EMILIN1: variants seen among roughly 807,000 people sequenced by gnomAD.
The protein encoded by EMILIN1 is elastin microfibril interfacer 1.
A neutral mutation model predicts 82.4 loss-of-function variants in EMILIN1; 49 were observed. That is an observed-to-expected ratio of 0.59 (90% confidence interval 0.47 to 0.75). EMILIN1 has a LOEUF of 0.75. Ranked by LOEUF, EMILIN1 falls within the 30% of genes least tolerant of loss-of-function variation. The probability of loss-of-function intolerance (pLI) is 0.00; values close to 1 mark genes in which losing one functional copy is unlikely to be tolerated. For missense variants in EMILIN1, 1,313 were observed against 1,366.4 expected (o/e 0.96, Z 0.62); for synonymous variants, 604 against 602.2 (o/e 1.00, Z -0.04).
In EMILIN1 at chr2:27,083,487, C is replaced by T. The variant is rs754465328; in HGVS notation, c.1916C>T (p.Ala639Val). Residue 639 changes from alanine (A) to valine (V), a missense_variant, in exon 4 of 8, where the codon GCC becomes GTC. Coordinates refer to ENST00000380320, the MANE Select transcript of EMILIN1 (RefSeq NM_007046.4). ...GTGTTTGGGGGCAGCTCAGGCTCAGCCCTGCAGGCCCTGCAAGGAGAGCTC... is the reference window on the plus strand; with the variant it reads ...GTGTTTGGGGGCAGCTCAGGCTCAGTCCTGCAGGCCCTGCAAGGAGAGCTC... ...FSVFGGSSGS[A>V]LQALQGELSE... The T allele has an allele frequency of 6.2e-7, 1 of 1,613,500 alleles. No homozygotes were observed. Among genetic ancestry groups the T allele is most frequent in the South Asian group, 1.1e-5 (1 of 91,066 alleles).
Position 27,085,796 on chromosome 2 carries a change from C to T in EMILIN1, c.2832C>T (p.Asp944=). 1.2e-6 allele frequency: 2 copies of T among 1,612,492 alleles called. No homozygotes were observed. The highest frequency in any genetic ancestry group is 2.7e-5 in the African/African-American group (2 of 74,994). The change falls in exon 8 of 8, where the codon GAC becomes GAT. Residue 944 remains aspartate, a synonymous_variant. Coordinates refer to ENST00000380320, the MANE Select transcript of EMILIN1 (RefSeq NM_007046.4). ...CCAACCAGGGCGTGGCCCGCGTAGA[C>T]TCCGGTGGCTACGAGCCTGAGGGCC... is the stretch of plus-strand genomic sequence containing the variant. ...SRSNQGVARV[D]SGGYEPEGLE...
chr2:27,085,866 C>T lies in EMILIN1; in HGVS notation c.2902C>T (p.Leu968=). 6.3e-7 allele frequency: 1 copy of T among 1,599,242 alleles called. No homozygotes were observed. The change falls in exon 8 of 8, where the codon CTG becomes TTG. Residue 968 remains leucine, a synonymous_variant. Coordinates refer to ENST00000380320, the MANE Select transcript of EMILIN1 (RefSeq NM_007046.4). The part of the protein sequence containing the change: ...VAESQPSPGT[L]GVFSLILPLQ... ...CGAGAGCCAGCCCAGCCCGGGCACC[C>T]TGGGCGTCTTCAGCCTCATCCTGCC... is the stretch of plus-strand genomic sequence containing the variant.
rs764329764 is a variant in EMILIN1, at chr2:27,083,603, C to T, written c.2032C>T (p.Leu678=). 3.1e-6 allele frequency: 5 copies of T among 1,613,474 alleles called. No homozygotes were observed. Among genetic ancestry groups the T allele is most frequent in the Non-Finnish European group, 4.2e-6 (5 of 1,179,514 alleles). Residue 678 remains leucine (L), a synonymous_variant, in exon 4 of 8, where the codon CTG becomes TTG. Transcript: ENST00000380320. ...VEGQGADLAD[L]GATKDRIISE... The stretch of plus-strand genomic sequence containing the variant: ...GGGCCAGGGCGCTGATCTGGCTGAC[C>T]TGGGGGCAACCAAGGACCGTATCAT...
At position 27,085,704 on chromosome 2, in the gene EMILIN1, C is replaced by A; in HGVS notation, c.2740C>A (p.Arg914Ser). 6.2e-7 allele frequency: 1 copy of A among 1,602,202 alleles called. No homozygotes were observed. Among genetic ancestry groups the A allele is most frequent in the Non-Finnish European group, 8.5e-7 (1 of 1,171,118 alleles). ...CGTGTTCACAGCGCCACTGGCTGGA[C>A]GCTACTTGCTGAGCGCGGTGCTGAC... ...TGVFTAPLAG[R>S]YLLSAVLTGH... The change falls in exon 8 of 8, where the codon CGC (arginine) becomes AGC (serine). Residue 914 changes from arginine (R) to serine (S), a missense_variant. Arg to Ser is a moderately radical substitution (Grantham distance 110). Coordinates refer to ENST00000380320, the MANE Select transcript of EMILIN1 (RefSeq NM_007046.4).
chr2:27,085,410 G>C, intron 7 of EMILIN1, 113 bp downstream of exon 7: 1 of 1,341,824 alleles, frequency 7.5e-7, no homozygotes, highest in Admixed American at 1.9e-5. Flanking sequence ...CTGATTTGGG[G>C]AGACCCCGGC....
Position 27,083,333 on chromosome 2 carries a change from G to C in EMILIN1, c.1762G>C (p.Val588Leu), listed in dbSNP as rs573167279. The C allele has an allele frequency of 6.2e-7, 1 of 1,613,346 alleles. No individual in the cohort carries two copies. The highest frequency in any genetic ancestry group is 1.3e-5 in the African/African-American group (1 of 75,058). Residue 588 changes from valine (V) to leucine (L), a missense_variant, in exon 4 of 8, where the codon GTC (valine) becomes CTC (leucine). Val to Leu is a conservative substitution (Grantham distance 32). Transcript: ENST00000380320. ...TGAGGGCTGTGGGGCCTGTGGCGGA[G>C]TCCAAGAGGAACTAGGCCGCCTTCG... Reference protein sequence around the residue: ...GDEGCGACGGVQEELGRLRDG... With the variant: ...GDEGCGACGGLQEELGRLRDG...
In EMILIN1 at chr2:27,086,196, G is replaced by C. The variant is rs999819170; in HGVS notation, c.*181G>C. ...GGGGCGCGCCGGCTCAGGGAGGCTC[G>C]GGGCCGCCCATGCAGACTTTTGGCC... On this transcript the variant is annotated 3_prime_UTR_variant, in exon 8 of 8. Coordinates refer to ENST00000380320, the MANE Select transcript of EMILIN1 (RefSeq NM_007046.4). 1 of 407,300 alleles carries C rather than the reference G, an allele frequency of 2.5e-6. No individual in the cohort carries two copies. Among genetic ancestry groups the C allele is most frequent in the South Asian group, 1.2e-4 (1 of 8,006 alleles). The allele number at this position is 407,300 out of a possible 1,614,324, so 25.2% of individuals were successfully genotyped here.
rs764421233 is a variant in EMILIN1 at position 27,082,952 on chromosome 2, G to C, written c.1381G>C (p.Gly461Arg). Residue 461 changes from glycine (G) to arginine (R), a missense_variant, in exon 4 of 8, where the codon GGG becomes CGG. By Grantham distance (125) the Gly-to-Arg change is moderately radical (BLOSUM62 -2). Transcript: ENST00000380320. ...GLLANVSGEL[G>R]GRLDLLEEQV... ...GCTGGCCAATGTGAGCGGGGAGCTG[G>C]GGGGGCGGTTGGATCTGTTGGAGGA... is the stretch of plus-strand genomic sequence containing the variant. 5.7e-6 allele frequency: 9 copies of C among 1,587,820 alleles called. No homozygotes were observed. The highest frequency in any genetic ancestry group is 7.7e-6 in the Non-Finnish European group (9 of 1,167,284).
Position 27,085,809 on chromosome 2 carries a change from G to A in EMILIN1, c.2845G>A (p.Glu949Lys). 9 of 1,612,250 alleles carry A rather than the reference G, an allele frequency of 5.6e-6. No individual in the cohort carries two copies. Among genetic ancestry groups the A allele is most frequent in the South Asian group, 1.1e-5 (1 of 91,058 alleles). ...GVARVDSGGYEPEGLENKPVA... is the reference protein window; with the variant it reads ...GVARVDSGGYKPEGLENKPVA... ...GGCCCGCGTAGACTCCGGTGGCTAC[G>A]AGCCTGAGGGCCTGGAGAATAAGCC... The change falls in exon 8 of 8, where the codon GAG becomes AAG. Residue 949 changes from glutamate (E) to lysine (K), a missense_variant. Coordinates refer to ENST00000380320, the MANE Select transcript of EMILIN1 (RefSeq NM_007046.4).
In EMILIN1 at chr2:27,083,246, C is replaced by T. The variant is rs141929856; in HGVS notation, c.1675C>T (p.Arg559Trp). ...QDETAAEFTL[R>W]LNLTAARLGQ... is the part of the protein sequence containing the mutation. ...TGAGACAGCTGCAGAGTTCACACTA[C>T]GGCTGAATCTCACTGCGGCCCGGCT... Residue 559 changes from arginine to tryptophan, a missense_variant, in exon 4 of 8, where the codon CGG (arginine) becomes TGG (tryptophan). Physicochemically the swap from Arg to Trp is moderately radical, Grantham distance 101. Coordinates refer to ENST00000380320, the MANE Select transcript of EMILIN1 (RefSeq NM_007046.4). 33 of 1,612,110 alleles carry T rather than the reference C, an allele frequency of 2.0e-5. No individual in the cohort carries two copies. In the East Asian group the frequency reaches 2.2e-4, roughly 11 times the overall value.
In EMILIN1 at chr2:27,082,367, G is replaced by C. The variant is rs1296092600; in HGVS notation, c.796G>C (p.Gly266Arg). Reference sequence around the variant, plus strand: ...GCTGGGTCACCTCAACAACCATCATGGCGGCAGCAGCAGCAGTGGGGGCAG... The same window carrying C: ...GCTGGGTCACCTCAACAACCATCATCGCGGCAGCAGCAGCAGTGGGGGCAG... ...QELGHLNNHH[G>R]GSSSSGGSRA... The change falls in exon 4 of 8, where the codon GGC (glycine) becomes CGC (arginine). Residue 266 changes from glycine (G) to arginine (R), a missense_variant. Gly to Arg is a moderately radical substitution (Grantham distance 125, BLOSUM62 -2). Transcript: ENST00000380320. 6.2e-7 allele frequency: 1 copy of C among 1,611,602 alleles called. No individual in the cohort carries two copies. Among genetic ancestry groups the C allele is most frequent in the Non-Finnish European group, 8.5e-7 (1 of 1,179,624 alleles).
At chr2:27,080,580 G>A (rs2148317627) in intron 2 of EMILIN1, 152 bp from the exon 3 acceptor site, 10 of 694,358 alleles carry the variant, frequency 1.4e-5, no homozygotes, top group Non-Finnish European at 2.1e-5. Flanking sequence ...GCTGACAGCT[G>A]TCAGCTAAGC....
chr2:27,082,031 C>T (rs1669484067), intron 3 of EMILIN1, 52 bp from the exon 4 acceptor site: 3 of 1,508,732 alleles, frequency 2.0e-6, no homozygotes, highest in East Asian at 2.4e-5. Context: ...TGAGCAGGGG[C>T]CTTGAGCTCT....
rs139944533 is a variant in EMILIN1 at position 27,083,339 on chromosome 2, G to A, written c.1768G>A (p.Glu590Lys). The change falls in exon 4 of 8, where the codon GAG (glutamate) becomes AAG (lysine). Residue 590 changes from glutamate to lysine, a missense_variant. Physicochemically the swap from Glu to Lys is moderately conservative, Grantham distance 56. Transcript: ENST00000380320. ...EGCGACGGVQ[E>K]ELGRLRDGVE... is the part of the protein sequence containing the mutation. ...CTGTGGGGCCTGTGGCGGAGTCCAA[G>A]AGGAACTAGGCCGCCTTCGGGATGG... 2.0e-5 allele frequency: 33 copies of A among 1,613,206 alleles called. No homozygotes were observed. The African/African-American group carries it at 4.4e-4, about 22-fold the overall frequency.
In EMILIN1 at chr2:27,080,784, G is replaced by A. The variant is rs781472388; in HGVS notation, c.343G>A (p.Asp115Asn). The change falls in exon 3 of 8, where the codon GAC becomes AAC. Residue 115 changes from aspartate to asparagine, a missense_variant. Physicochemically the swap from Asp to Asn is conservative, Grantham distance 23. Transcript: ENST00000380320. Reference sequence around the variant, plus strand: ...CCGTGTGGCCTACAAGACAGTGACCGACATGGAGTGGAGGTGCTGTCAGGG... The same window carrying A: ...CCGTGTGGCCTACAAGACAGTGACCAACATGGAGTGGAGGTGCTGTCAGGG... ...RYRVAYKTVT[D>N]MEWRCCQGYG... The A allele has an allele frequency of 1.2e-5, 19 of 1,613,700 alleles. No homozygotes were observed. Among genetic ancestry groups the A allele is most frequent in the Middle Eastern group, 3.3e-4 (2 of 6,084 alleles).
chr2:27,086,083 T>C lies in EMILIN1; in HGVS notation c.*68T>C, dbSNP rs1669626554. 3.3e-6 allele frequency: 4 copies of C among 1,225,692 alleles called. No individual in the cohort carries two copies. The East Asian group carries it at 8.4e-5, about 26-fold the overall frequency. 75.9% of individuals were successfully genotyped at this position (1,225,692 alleles called of 1,614,324 possible). A position where few individuals can be genotyped will look rare whatever the true frequency, so the allele number is the denominator to read the frequency against. ...GCGGGGGCGGCGGGCTCCTGGGGTC[T>C]CGCCTGAGACGGGGCACCTAGCCCT... On this transcript the variant is annotated 3_prime_UTR_variant, in exon 8 of 8. Coordinates refer to ENST00000380320, the MANE Select transcript of EMILIN1 (RefSeq NM_007046.4).
At position 27,083,813 on chromosome 2, in the gene EMILIN1, C is replaced by A; in HGVS notation, c.2242C>A (p.Arg748Ser). ...TGTGGCTGGGGGACTGCAGGGCCTG[C>A]GCGAGGGCCTTTCCAGACACGTGGC... ...DTVAGGLQGL[R>S]EGLSRHVAGL... The change falls in exon 4 of 8, where the codon CGC (arginine) becomes AGC (serine). Residue 748 changes from arginine to serine, a missense_variant. By Grantham distance (110) the Arg-to-Ser change is moderately radical (BLOSUM62 -1). Coordinates refer to ENST00000380320, the MANE Select transcript of EMILIN1 (RefSeq NM_007046.4). 1.9e-6 allele frequency: 3 copies of A among 1,598,770 alleles called. No individual in the cohort carries two copies. The highest frequency in any genetic ancestry group is 1.7e-6 in the Non-Finnish European group (2 of 1,168,294).
chr2:27,082,135 G>A lies in EMILIN1; in HGVS notation c.564G>A (p.Leu188=), dbSNP rs1322346955. 6.2e-7 allele frequency: 1 copy of A among 1,613,744 alleles called. No homozygotes were observed. Residue 188 remains leucine (L), a synonymous_variant, in exon 4 of 8, where the codon CTG becomes CTA. Transcript: ENST00000380320. ...AGCTGGAGGAACAGGTGCAGAGCCT[G>A]ACCAAGGAGCTGCAAGGCCTGCGGG... The part of the protein sequence containing the change: ...VQQLEEQVQS[L]TKELQGLRGV...
Position 27,082,079 on chromosome 2 carries a change from T to A in EMILIN1, c.512-4T>A, listed in dbSNP as rs576519036. On this transcript the variant is annotated splice_region_variant and splice_polypyrimidine_tract_variant and intron_variant, in intron 3 of 7. Transcript: ENST00000380320. ...CTCTGCCTTCTGCCTTCCCCTCTCC[T>A]CAGGTCCTGGGGAGTCAGAGAAGGT... The A allele has an allele frequency of 4.4e-6, 7 of 1,606,494 alleles. No homozygotes were observed. In the South Asian group the frequency reaches 7.7e-5, roughly 18 times the overall value.
Sources: allele counts gnomAD v4.1 joint callset, GRCh38; gene constraint gnomAD v4.1.1; transcripts MANE v1.5; gene names NCBI Gene and HGNC (gene_info 2026-07-23, HGNC 2026-07-21).